Variants in CFH observed in about 807,000 individuals in gnomAD.
The protein encoded by CFH is H factor 1 (complement).
A neutral mutation model predicts 147.3 loss-of-function variants in CFH; 53 were observed. The ratio of observed to expected loss-of-function variants is 0.36; its 90% CI spans 0.29 to 0.45. The LOEUF is 0.45. Ranked by LOEUF, CFH falls within the 20% of genes least tolerant of loss-of-function variation. The pLI, the probability that CFH is intolerant of heterozygous loss-of-function variation, is 1.00. For missense variants in CFH, 1,380 were observed against 1,498.0 expected, an observed-to-expected ratio of 0.92 and a Z score of 1.30; for synonymous variants, 536 against 489.4, an observed-to-expected ratio of 1.10 and a Z score of -1.26.
chr1:196,687,285 A>G (rs1359858871), intron 7 of CFH, among the ~76,000 whole-genome samples: 1 of 152,078 alleles, frequency 6.6e-6, no homozygotes, highest in African/African-American at 2.4e-5. Context: ...AGTAGAATGA[A>G]GCTATTTGAA....
chr1:196,694,061 G>C (rs753880260), intron 9 of CFH, among the ~76,000 whole-genome samples: 4 of 151,156 alleles, frequency 2.6e-5, no homozygotes, highest in African/African-American at 4.9e-5. Context: ...ATAAGTATAC[G>C]TGTGCCATGG....
chr1:196,670,406 C>T (rs1667237214), intron 1 of CFH, among the ~76,000 whole-genome samples: 1 of 152,086 alleles, frequency 6.6e-6, no homozygotes, highest in Non-Finnish European at 1.5e-5. Context: ...ATTGTAATCA[C>T]CATAATCCCT....
chr1:196,693,238 T>A (rs1198217749), intron 9 of CFH, among the ~76,000 whole-genome samples: 2 of 151,948 alleles, frequency 1.3e-5, no homozygotes, highest in Non-Finnish European at 2.9e-5. Context: ...TATATTGGAG[T>A]GTATCCTTTA....
chr1:196,705,532 T>C (rs1373063844), intron 9 of CFH, among the ~76,000 whole-genome samples: 1 of 152,208 alleles, frequency 6.6e-6, no homozygotes, highest in Non-Finnish European at 1.5e-5. Context: ...AAATTACTAA[T>C]GGATCTGGCT....
At chr1:196,663,119 A>T (rs1014684658) in intron 1 of CFH, among the ~76,000 whole-genome samples, 3 of 152,132 alleles carry the variant, frequency 2.0e-5, no homozygotes, top group South Asian at 2.1e-4. Flanking sequence ...CTTATGATGC[A>T]TATAGGTGTG....
At chr1:196,654,923 C>T (rs1558147364) in intron 1 of CFH, among the ~76,000 whole-genome samples, 1 of 152,074 alleles carries the variant, frequency 6.6e-6, no homozygotes, top group Non-Finnish European at 1.5e-5. Context: ...CCCCAAACCC[C>T]CATATTTTCA....
chr1:196,746,101 G>T, intron 21 of CFH, 102 bp downstream of exon 21: 1 of 1,590,012 alleles, frequency 6.3e-7, no homozygotes, highest in South Asian at 1.1e-5. Flanking sequence ...CAACCATTCT[G>T]CTGAATGCTT....
chr1:196,722,979 T>G (rs993024234), intron 11 of CFH, among the ~76,000 whole-genome samples: 4 of 151,518 alleles, frequency 2.6e-5, no homozygotes, highest in African/African-American at 4.8e-5. Flanking sequence ...ATATCCTGAG[T>G]TTTTTTTCTA....
chr1:196,696,798 A>G lies in CFH; in HGVS notation c.1336+6559A>G, dbSNP rs1668288335. The stretch of plus-strand genomic sequence containing the variant: ...ACCAAAATAGCATGGTACTGGTACC[A>G]AAACAGAGATGCAGACCAATGGAAC... On this transcript the variant is annotated intron_variant, in intron 9 of 21. Transcript: ENST00000367429. 2.0e-5 allele frequency among the ~76,000 whole-genome samples: 3 copies of G among 152,332 alleles called. No individual in the cohort carries two copies. The South Asian group carries it at 6.2e-4, about 32-fold the overall frequency.
At chr1:196,660,284 C>T (rs1473902153) in intron 1 of CFH, among the ~76,000 whole-genome samples, 1 of 152,110 alleles carries the variant, frequency 6.6e-6, no homozygotes. Flanking sequence ...AATAAATCAG[C>T]GTGACTTTGC....
chr1:196,735,960 G>T (rs1001103419), intron 15 of CFH, among the ~76,000 whole-genome samples: 4 of 152,008 alleles, frequency 2.6e-5, no homozygotes, highest in Non-Finnish European at 4.4e-5. Context: ...TAAAGCTTTA[G>T]GTGAAGTAGA....
At chr1:196,699,858 A>C (rs1469502787) in intron 9 of CFH, among the ~76,000 whole-genome samples, 1 of 152,190 alleles carries the variant, frequency 6.6e-6, no homozygotes, top group Admixed American at 6.6e-5. Context: ...CTTGTAGGAC[A>C]ATCAATGGTA....
intron 11 of CFH, 38 bp from the exon 12 acceptor site, chr1:196,725,083 A>G (rs921031172): frequency 2.1e-5 from 32 of 1,554,140 alleles, no homozygotes; most frequent in Non-Finnish European, 2.4e-5. Context: ...GCAATGATTA[A>G]TTATATATTC....
chr1:196,655,232 CA>C (rs1342494519), intron 1 of CFH, among the ~76,000 whole-genome samples: 1 of 152,002 alleles, frequency 6.6e-6, no homozygotes, highest in East Asian at 1.9e-4. Context: ...AAGAATAGAA[CA>C]AAGTGATTCT....
intron 1 of CFH, among the ~76,000 whole-genome samples, chr1:196,671,905 T>C (rs1667294970): frequency 1.3e-5 from 2 of 150,186 alleles, no homozygotes; most frequent in African/African-American, 4.9e-5. Context: ...TTATTATATA[T>C]AAATAATATA....
At chr1:196,659,450 CA>C (rs1288126300) in intron 1 of CFH, among the ~76,000 whole-genome samples, 3 of 152,144 alleles carry the variant, frequency 2.0e-5, no homozygotes, top group African/African-American at 7.2e-5. Flanking sequence ...TGGTGTTAAA[CA>C]GCAATTTTTG....
chr1:196,697,251 A>T (rs1051955716), intron 9 of CFH, among the ~76,000 whole-genome samples: 1 of 152,118 alleles, frequency 6.6e-6, no homozygotes, highest in African/African-American at 2.4e-5. Flanking sequence ...TTTGCAATCT[A>T]CTCATCTGAC....
At chr1:196,721,653 G>T (rs1484285964) in intron 11 of CFH, among the ~76,000 whole-genome samples, 7 of 151,770 alleles carry the variant, frequency 4.6e-5, no homozygotes, top group African/African-American at 1.4e-4. Context: ...AGTCATTGGG[G>T]GTGTGGAGGT....
In CFH at chr1:196,714,701, A is replaced by AGAGAGAGAGAGAGAGAGAGAGG. The variant is rs1668823832; in HGVS notation, c.1519+802_1519+803insGAGGGAGAGAGAGAGAGAGAGA. On this transcript the variant is annotated intron_variant, in intron 10 of 21. Coordinates refer to ENST00000367429, the MANE Select transcript of CFH (RefSeq NM_000186.4). ...GAGAGAGAGAGAGAGAGAGAGAGAGAGAGAGAGAGAGAGAGAGATGGAGTC... is the reference window on the plus strand; with the variant it reads ...GAGAGAGAGAGAGAGAGAGAGAGAGAGAGAGAGAGAGAGAGAGAGAGGGAGAGAGAGAGAGAGAGATGGAGTC... 2.5e-4 allele frequency among the ~76,000 whole-genome samples: 17 copies of AGAGAGAGAGAGAGAGAGAGAGG among 69,262 alleles called. 1 individual carries two copies. Among genetic ancestry groups the AGAGAGAGAGAGAGAGAGAGAGG allele is most frequent in the African/African-American group, 6.4e-4 (10 of 15,546 alleles). 45.4% of individuals were successfully genotyped at this position (69,262 alleles called of 152,430 possible). A position where few individuals can be genotyped will look rare whatever the true frequency, so the allele number is the denominator to read the frequency against.
Sources: allele counts gnomAD v4.1 joint callset (sites outside exome capture counted in the v4.1 genomes callset), GRCh38; gene constraint gnomAD v4.1.1; transcripts MANE v1.5; gene names NCBI Gene and HGNC (gene_info 2026-07-23, HGNC 2026-07-21).